The following SRFBP1 variants were observed in gnomAD, a reference collection of about 807,000 sequenced individuals.
SRFBP1 encodes the protein serum response factor-binding protein 1.
SRFBP1 carries 47 observed loss-of-function variants against 45.5 expected under a neutral mutation model. The observed-to-expected ratio is 1.03, with a 90% CI of 0.82 to 1.32. The LOEUF (loss-of-function observed/expected upper bound fraction) is 1.32. Among genes scored for constraint, SRFBP1 ranks in the 40% most tolerant of loss-of-function variants. The probability of loss-of-function intolerance (pLI) is 0.00; values close to 1 mark genes in which losing one functional copy is unlikely to be tolerated. For missense variants in SRFBP1, 621 were observed against 484.6 expected, an observed-to-expected ratio of 1.28 and a Z score of -2.64; for synonymous variants, 203 against 166.3, an observed-to-expected ratio of 1.22 and a Z score of -1.70.
At chr5:122,061,429 T>C (rs1459284996) in intron 2 of SRFBP1, among the ~76,000 whole-genome samples, 1 of 151,970 alleles carries the variant, frequency 6.6e-6, no homozygotes, top group Non-Finnish European at 1.5e-5. Flanking sequence ...CCAAATTTTG[T>C]GCCTACTTCC....
Position 122,019,057 on chromosome 5 carries a change from T to G in SRFBP1, c.271-203T>G, listed in dbSNP as rs377491100. Among the ~76,000 whole-genome samples, 82 of 152,268 alleles carry G rather than the reference T, an allele frequency of 5.4e-4. No homozygotes were observed. In the South Asian group the frequency reaches 0.016, roughly 30 times the overall value. ...AATGATTAAGTGATAATTTTAGTTG[T>G]TCAAAGGCAGTAATATTTTTGTCAG... On this transcript the variant is annotated intron_variant, in intron 4 of 7. Transcript: ENST00000339397.
intron 3 of SRFBP1, among the ~76,000 whole-genome samples, chr5:121,976,021 T>C (rs1752295818): frequency 6.6e-6 from 1 of 151,966 alleles, no homozygotes; most frequent in African/African-American, 2.4e-5. Flanking sequence ...AAAAACAACA[T>C]TTGGTCCCAG....
At chr5:121,962,999 A>G (rs554365901) in intron 1 of SRFBP1, among the ~76,000 whole-genome samples, 1 of 152,346 alleles carries the variant, frequency 6.6e-6, no homozygotes, top group African/African-American at 2.4e-5. Context: ...TCCAAAACCT[A>G]GTAATGCAGA....
intron 2 of SRFBP1, among the ~76,000 whole-genome samples, chr5:122,073,333 T>G (rs1754508847): frequency 6.6e-6 from 1 of 152,188 alleles, no homozygotes; most frequent in Non-Finnish European, 1.5e-5. Flanking sequence ...AAAAAATCCA[T>G]CCAAACAACA....
At chr5:122,035,038 GTTT>G (rs368497001) in intron 2 of SRFBP1, among the ~76,000 whole-genome samples, 7 of 148,750 alleles carry the variant, frequency 4.7e-5, no homozygotes, top group Admixed American at 2.7e-4. Flanking sequence ...AGGGATACAG[GTTT>G]TTTTTTTGTT....
At chr5:122,075,030 T>TTTC (rs1458169130) in intron 2 of SRFBP1, among the ~76,000 whole-genome samples, 1 of 152,222 alleles carries the variant, frequency 6.6e-6, no homozygotes, top group East Asian at 1.9e-4. Context: ...TTGAGAATGG[T>TTTC]TTCTGAATGC....
At position 121,962,175 on chromosome 5, in the gene SRFBP1, C is replaced by A. The variant is rs1263908147; in HGVS notation, c.36+107C>A. The A allele has an allele frequency of 7.8e-6, 11 of 1,405,314 alleles. No homozygotes were observed. In the South Asian group the frequency reaches 9.3e-5, roughly 12 times the overall value. 87.1% of individuals were successfully genotyped at this position (1,405,314 alleles called of 1,614,324 possible). On this transcript the variant is annotated intron_variant, in intron 1 of 7. Coordinates refer to ENST00000339397, the MANE Select transcript of SRFBP1 (RefSeq NM_152546.3). Reference sequence around the variant, plus strand: ...TAGAGGGTGCGGTTGGAGGAACTTTCGTGGTGGGCCCAGGCGGGTTTCCCG... The same window carrying A: ...TAGAGGGTGCGGTTGGAGGAACTTTAGTGGTGGGCCCAGGCGGGTTTCCCG...
intron 2 of SRFBP1, among the ~76,000 whole-genome samples, chr5:122,034,075 C>G (rs1269684355): frequency 6.6e-6 from 1 of 152,198 alleles, no homozygotes; most frequent in Admixed American, 6.5e-5. Flanking sequence ...CCACCCGCCT[C>G]AGCCTCCCAT....
intron 4 of SRFBP1, among the ~76,000 whole-genome samples, chr5:122,015,901 T>C (rs570770341): frequency 1.3e-5 from 2 of 152,322 alleles, no homozygotes; most frequent in African/African-American, 4.8e-5. Flanking sequence ...CTTCAGGCTC[T>C]AAGTCATATA....
In SRFBP1 at chr5:122,071,000, G is replaced by C. The variant is rs1016727092; in HGVS notation, n.312-4315G>C. Among the ~76,000 whole-genome samples, 5 of 152,206 alleles carry C rather than the reference G, an allele frequency of 3.3e-5. No individual in the cohort carries two copies. The East Asian group carries it at 9.7e-4, about 29-fold the overall frequency. On this transcript the variant is annotated intron_variant and non_coding_transcript_variant, in intron 2 of 2. Coordinates refer to the SRFBP1 transcript ENST00000504881. Reference sequence around the variant, plus strand: ...TTTGGAAATTACCTTCTTGTGCTTTGAACGTCCATGATACTTTTTATTGTG... The same window carrying C: ...TTTGGAAATTACCTTCTTGTGCTTTCAACGTCCATGATACTTTTTATTGTG...
chr5:121,965,952 G>C (rs1752054956), intron 1 of SRFBP1, among the ~76,000 whole-genome samples: 1 of 152,118 alleles, frequency 6.6e-6, no homozygotes, highest in South Asian at 2.1e-4. Context: ...GTGCAATTGT[G>C]AATCGGGAGT....
intron 2 of SRFBP1, among the ~76,000 whole-genome samples, chr5:122,074,331 C>T (rs1453512638): frequency 2.0e-5 from 3 of 151,526 alleles, no homozygotes; most frequent in African/African-American, 7.3e-5. Flanking sequence ...TTTTTTTTTC[C>T]CCAGGACATA....
In SRFBP1 at chr5:122,027,104, A is replaced by G. The variant is rs926013635; in HGVS notation, c.1268A>G (p.Lys423Arg). 1 of 1,603,302 alleles carries G rather than the reference A, an allele frequency of 6.2e-7. No homozygotes were observed. Among genetic ancestry groups the G allele is most frequent in the Non-Finnish European group, 8.5e-7 (1 of 1,176,922 alleles). The change falls in exon 8 of 8, where the codon AAA becomes AGA. Residue 423 changes from lysine (K) to arginine (R), a missense_variant. Transcript: ENST00000339397. ...TCTAATATTGCTGTGTTTCAGGGGA[A>G]AAAAATTACGTTTGATGATTGATTA... The part of the protein sequence containing the change: ...QQSNIAVFQG[K>R]KITFDD
At chr5:122,014,334 C>T (rs1753153624) in intron 4 of SRFBP1, among the ~76,000 whole-genome samples, 1 of 152,094 alleles carries the variant, frequency 6.6e-6, no homozygotes, top group South Asian at 2.1e-4. Flanking sequence ...TATATACCTA[C>T]ATACCCTGTA....
At chr5:122,016,134 C>G (rs952323367) in intron 4 of SRFBP1, among the ~76,000 whole-genome samples, 1 of 152,192 alleles carries the variant, frequency 6.6e-6, no homozygotes, top group Admixed American at 6.5e-5. Context: ...ACCAAACTCT[C>G]CATCTGCTAT....
intron 4 of SRFBP1, among the ~76,000 whole-genome samples, chr5:122,014,475 A>C (rs1753157166): frequency 6.6e-6 from 1 of 152,096 alleles, no homozygotes; most frequent in African/African-American, 2.4e-5. Context: ...AATCAGTCTC[A>C]TTTTATATAA....
downstream of SRFBP1, chr5:122,077,589 T>C: frequency 6.2e-7 from 1 of 1,612,668 alleles, no homozygotes; most frequent in East Asian, 2.2e-5. The surrounding 1 kb of genome is among the most constrained non-coding windows in gnomAD (Gnocchi z 4.9). Flanking sequence ...TCGCGGGCTC[T>C]AGATGTCGAG....
At chr5:122,024,318 T>G (rs1190113418) in intron 7 of SRFBP1, among the ~76,000 whole-genome samples, 1 of 152,212 alleles carries the variant, frequency 6.6e-6, no homozygotes, top group Non-Finnish European at 1.5e-5. Flanking sequence ...TCTGTTTCCT[T>G]GCTACCCACC....
At chr5:122,011,465 G>A (rs1450988728) in intron 4 of SRFBP1, among the ~76,000 whole-genome samples, 3 of 152,118 alleles carry the variant, frequency 2.0e-5, no homozygotes, top group Non-Finnish European at 4.4e-5. Flanking sequence ...TCATGCAGGT[G>A]TAAAAACTAT....
Sources: allele counts gnomAD v4.1 joint callset (sites outside exome capture counted in the v4.1 genomes callset), GRCh38; gene constraint gnomAD v4.1.1; non-coding constraint Gnocchi (gnomAD v3.1); transcripts MANE v1.5; gene names NCBI Gene and HGNC (gene_info 2026-07-23, HGNC 2026-07-21).